NAALADL2: variants seen among roughly 807,000 people sequenced by gnomAD.
The protein encoded by NAALADL2 is inactive N-acetylated-alpha-linked acidic dipeptidase-like protein 2.
Under a neutral mutation model 87.2 loss-of-function variants are expected in NAALADL2, and 76 were observed. That is an observed-to-expected ratio of 0.87 (90% CI 0.72 to 1.05). The LOEUF (loss-of-function observed/expected upper bound fraction) is 1.05. NAALADL2 is among the 50% of genes least tolerant of loss of function. The pLI is 0.00. For synonymous variants in NAALADL2, 354 were observed against 331.0 expected (o/e 1.07, Z -0.75); for missense variants, 1,089 against 945.8 (o/e 1.15, Z -1.99).
rs34325475 is a variant in NAALADL2, at chr3:175,565,829, C to CTT, written c.1654-10195_1654-10194dup. Among the ~76,000 whole-genome samples the CTT allele has an allele frequency of 4.7e-4, 54 of 114,840 alleles. 1 individual carries two copies. The highest frequency in any genetic ancestry group is 1.6e-3 in the African/African-American group (49 of 29,844). 75.3% of individuals were successfully genotyped at this position (114,840 alleles called of 152,430 possible). ...CAAACAAAAAACAAAAGCCCCCCCC[C>CTT]TTTTTTTTTTTTTTTTTTGAGATGG... On this transcript the variant is annotated intron_variant, in intron 9 of 13. Transcript: ENST00000454872.
rs199748625 is a variant in NAALADL2, at chr3:175,786,478, CCAGTTGATCG to C, written c.2190-16524_2190-16515del. Among the ~76,000 whole-genome samples the C allele has an allele frequency of 8.3e-3, 1,265 of 152,244 alleles. 38 individuals carry two copies. Among genetic ancestry groups the C allele is most frequent in the Admixed American group, 0.066 (1,002 of 15,290 alleles). ...TCTTCCATTGCTGATACCCTTTCTT[CCAGTTGATCG>C]CATCAGCTCCTGAGGCTTCTGCATT... On this transcript the variant is annotated intron_variant, in intron 13 of 13. Coordinates refer to ENST00000454872, the MANE Select transcript of NAALADL2 (RefSeq NM_207015.3).
At position 175,809,646 on chromosome 3, in the gene NAALADL2, A is replaced by G. The variant is rs907666443; in HGVS notation, c.*6443A>G. ...GGCCCAAAAGTTTGAAGCTGCAGTG[A>G]GCTAAAATCATGCCACTGTAGTCCA... On this transcript the variant is annotated 3_prime_UTR_variant, in exon 14 of 14. Transcript: ENST00000454872. 6.6e-6 allele frequency: 1 copy of G among 151,766 alleles called. No individual in the cohort carries two copies. The highest frequency in any genetic ancestry group is 2.4e-5 in the African/African-American group (1 of 41,352). 9.4% of individuals were successfully genotyped at this position (151,766 alleles called of 1,614,324 possible). A position where few individuals can be genotyped will look rare whatever the true frequency, so the allele number is the denominator to read the frequency against.
chr3:175,086,001 A>G (rs1408380169), intron 1 of NAALADL2, among the ~76,000 whole-genome samples: 1 of 152,342 alleles, frequency 6.6e-6, no homozygotes, highest in Non-Finnish European at 1.5e-5. Context: ...ACCAGTTGCA[A>G]TAGTTGAAGG....
intron 1 of NAALADL2, among the ~76,000 whole-genome samples, chr3:174,460,079 A>T (rs1559997218): frequency 5.9e-5 from 9 of 152,166 alleles, no homozygotes; most frequent in Non-Finnish European, 2.9e-5. Context: ...ATGATAGAGT[A>T]CATTAAGAGT....
At chr3:175,004,035 T>G (rs1296846927) in intron 1 of NAALADL2, among the ~76,000 whole-genome samples, 1 of 152,158 alleles carries the variant, frequency 6.6e-6, no homozygotes, top group Non-Finnish European at 1.5e-5. Context: ...TTCTCATGTT[T>G]CTTCTCACCT....
chr3:174,924,263 C>T (rs1735656334), intron 1 of NAALADL2, among the ~76,000 whole-genome samples: 1 of 138,292 alleles, frequency 7.2e-6, no homozygotes, highest in Non-Finnish European at 1.5e-5. Flanking sequence ...TTCCTGTGTC[C>T]AACTGTTCTC....
chr3:175,303,540 C>T (rs999477830), intron 4 of NAALADL2, among the ~76,000 whole-genome samples: 7 of 152,134 alleles, frequency 4.6e-5, no homozygotes, highest in Admixed American at 3.9e-4. Context: ...CTACATCTGA[C>T]ATGAGTCTCC....
chr3:174,531,392 T>G (rs1721225340), intron 1 of NAALADL2, among the ~76,000 whole-genome samples: 1 of 152,130 alleles, frequency 6.6e-6, no homozygotes, highest in Non-Finnish European at 1.5e-5. Flanking sequence ...TGTAATCTTG[T>G]GAAGAGGCAC....
intron 2 of NAALADL2, among the ~76,000 whole-genome samples, chr3:175,179,467 T>A (rs552733289): frequency 2.6e-4 from 40 of 152,094 alleles, no homozygotes; most frequent in African/African-American, 9.6e-4. Flanking sequence ...TCATTTCACA[T>A]CAATGAGGTT....
At chr3:174,749,803 C>A (rs2109033918) in intron 3 of NAALADL2, among the ~76,000 whole-genome samples, 1 of 152,252 alleles carries the variant, frequency 6.6e-6, no homozygotes, top group African/African-American at 2.4e-5. Context: ...ATGTAATTTT[C>A]TTTCCCGTAT....
At chr3:174,722,569 G>T (rs1478221197) in intron 2 of NAALADL2, among the ~76,000 whole-genome samples, 1 of 152,150 alleles carries the variant, frequency 6.6e-6, no homozygotes, top group African/African-American at 2.4e-5. Context: ...GGGCGCTGTG[G>T]CAGGTGCCTG....
intron 5 of NAALADL2, among the ~76,000 whole-genome samples, chr3:175,343,898 G>A (rs1219879206): frequency 6.6e-6 from 1 of 151,820 alleles, no homozygotes; most frequent in Non-Finnish European, 1.5e-5. Context: ...CTATGTTTTT[G>A]TCTGTAAAGA....
chr3:174,882,718 T>C (rs565002020), intron 1 of NAALADL2, among the ~76,000 whole-genome samples: 19 of 138,866 alleles, frequency 1.4e-4, no homozygotes, highest in African/African-American at 5.0e-4. Flanking sequence ...TCTACACATA[T>C]ATGTGTATAT....
intron 1 of NAALADL2, among the ~76,000 whole-genome samples, chr3:174,537,523 G>A (rs1005573450): frequency 3.3e-5 from 5 of 152,136 alleles, no homozygotes; most frequent in African/African-American, 1.2e-4. Context: ...ACATGATTGC[G>A]AAGAATATGT....
At chr3:174,584,232 G>GA (rs1412583022) in intron 2 of NAALADL2, among the ~76,000 whole-genome samples, 5 of 152,082 alleles carry the variant, frequency 3.3e-5, no homozygotes, top group African/African-American at 1.2e-4. Flanking sequence ...GAGGTAATCA[G>GA]AGAAATTTTA....
intron 9 of NAALADL2, among the ~76,000 whole-genome samples, chr3:175,568,378 T>G (rs1717546286): frequency 6.6e-6 from 1 of 152,168 alleles, no homozygotes; most frequent in South Asian, 2.1e-4. Context: ...AAATTATAGA[T>G]GCGTAGTTTG....
At chr3:175,283,796 A>C (rs906133027) in intron 4 of NAALADL2, among the ~76,000 whole-genome samples, 1 of 145,282 alleles carries the variant, frequency 6.9e-6, no homozygotes, top group Non-Finnish European at 1.6e-5. Context: ...TTTGGCCACC[A>C]CATTGAAAAT....
intron 3 of NAALADL2, among the ~76,000 whole-genome samples, chr3:175,244,787 C>A (rs1347579015): frequency 6.6e-6 from 1 of 152,146 alleles, no homozygotes; most frequent in African/African-American, 2.4e-5. Context: ...AACGTCTTCC[C>A]TGACTTCCCC....
intron 5 of NAALADL2, among the ~76,000 whole-genome samples, chr3:175,389,307 C>T (rs751081601): frequency 2.3e-4 from 35 of 152,206 alleles, no homozygotes; most frequent in Middle Eastern, 6.8e-3. Context: ...TTACTGGCAA[C>T]GACGCCACCT....
Sources: allele counts gnomAD v4.1 joint callset (sites outside exome capture counted in the v4.1 genomes callset), GRCh38; gene constraint gnomAD v4.1.1; transcripts MANE v1.5; gene names NCBI Gene and HGNC (gene_info 2026-07-23, HGNC 2026-07-21).